RBBP5: variants seen among roughly 807,000 people sequenced by gnomAD.
RBBP5 encodes retinoblastoma-binding protein 5.
In RBBP5, 5 loss-of-function variants were observed where a neutral mutation model predicts 72.2. That is an observed-to-expected ratio of 0.07 (90% CI 0.04 to 0.15). RBBP5 has a LOEUF of 0.15. Among genes scored for constraint, RBBP5 ranks in the 10% least tolerant of loss-of-function variants. RBBP5 has a pLI of 1.00. For synonymous variants in RBBP5, 209 were observed against 237.2 expected, an observed-to-expected ratio of 0.88 and a Z score of 1.09; for missense variants, 322 against 652.2, an observed-to-expected ratio of 0.49 and a Z score of 5.51.
chr1:205,108,929 ATACATAATAAGTGCTCAATGCCTGG>A (rs1256592538), intron 3 of RBBP5, among the ~76,000 whole-genome samples: 4 of 152,230 alleles, frequency 2.6e-5, no homozygotes, highest in Non-Finnish European at 4.4e-5. Context: ...TCAATGCCTG[ATACATAATAAGTGCTCAATGCCTGG>A]TACATAATAA....
At position 205,103,887 on chromosome 1, in the gene RBBP5, T is replaced by C; in HGVS notation, c.492A>G (p.Glu164=). The stretch of plus-strand genomic sequence containing the variant: ...CTTTTGCGTTTCCCGTATAAATATA[T>C]TCCCCTCGCCTATCAAAAGATGCCA... The part of the protein sequence containing the change: ...NVVASFDRRG[E]YIYTGNAKGK... The change falls in exon 5 of 14, where the codon GAA becomes GAG. Residue 164 remains glutamate (E), a synonymous_variant. Transcript: ENST00000264515. 2.5e-6 allele frequency: 4 copies of C among 1,613,842 alleles called. No individual in the cohort carries two copies. The highest frequency in any genetic ancestry group is 3.4e-6 in the Non-Finnish European group (4 of 1,179,760).
intron 3 of RBBP5, among the ~76,000 whole-genome samples, chr1:205,106,316 C>T (rs1471732152): frequency 1.3e-5 from 2 of 152,160 alleles, no homozygotes; most frequent in African/African-American, 2.4e-5. Context: ...ATCTATAGGA[C>T]GGGCGCAATG....
chr1:205,120,637 C>T (rs1656700448), intron 1 of RBBP5, among the ~76,000 whole-genome samples: 3 of 152,114 alleles, frequency 2.0e-5, no homozygotes, highest in African/African-American at 2.4e-5. Context: ...CAAAAATTAG[C>T]CAGGCATGGC....
chr1:205,120,123 G>A (rs1391937601), intron 1 of RBBP5, among the ~76,000 whole-genome samples: 6 of 152,072 alleles, frequency 3.9e-5, no homozygotes, highest in Admixed American at 3.9e-4. Context: ...TCTCAAATTT[G>A]TCATCCCTAC....
At position 205,093,480 on chromosome 1, in the gene RBBP5, ATATATATATATATATATATAT is replaced by A. The variant is rs1195049711; in HGVS notation, c.1588+1372_1588+1392del. On this transcript the variant is annotated intron_variant, in intron 13 of 13. Transcript: ENST00000264515. The stretch of plus-strand genomic sequence containing the variant: ...TTTCAAAAAAAAAAAAAAAAAAAAA[ATATATATATATATATATATAT>A]ATATATATATATATATATATATATA... Among the ~76,000 whole-genome samples, 13 of 7,774 alleles carry A rather than the reference ATATATATATATATATATATAT, an allele frequency of 1.7e-3. 2 individuals carry two copies. The highest frequency in any genetic ancestry group is 3.0e-3 in the Non-Finnish European group (9 of 2,964). The allele number at this position is 7,774 out of a possible 152,430, so 5.1% of individuals were successfully genotyped here.
intron 4 of RBBP5, among the ~76,000 whole-genome samples, chr1:205,104,750 A>G (rs1197279177): frequency 6.6e-6 from 1 of 152,112 alleles, no homozygotes; most frequent in Non-Finnish European, 1.5e-5. Flanking sequence ...CTGAGGCAGG[A>G]GAATCTTGAA....
At chr1:205,110,711 T>G (rs1412021021) in intron 3 of RBBP5, among the ~76,000 whole-genome samples, 1 of 152,186 alleles carries the variant, frequency 6.6e-6, no homozygotes, top group African/African-American at 2.4e-5. Flanking sequence ...CCCTAAGAAG[T>G]AGACAAAGGG....
At chr1:205,111,064 G>A (rs948441558) in intron 3 of RBBP5, among the ~76,000 whole-genome samples, 7 of 151,792 alleles carry the variant, frequency 4.6e-5, no homozygotes, top group African/African-American at 1.7e-4. Context: ...ACTCTGTCTC[G>A]AAAAAATTTA....
At chr1:205,108,793 T>C (rs940182499) in intron 3 of RBBP5, among the ~76,000 whole-genome samples, 2 of 152,196 alleles carry the variant, frequency 1.3e-5, no homozygotes, top group African/African-American at 4.8e-5. Flanking sequence ...CTTAGCACGT[T>C]ACTTAAGCTT....
chr1:205,095,208 G>T, intron 12 of RBBP5, 144 bp from the exon 13 acceptor site: 1 of 789,548 alleles, frequency 1.3e-6, no homozygotes, highest in Non-Finnish European at 2.0e-6. Flanking sequence ...ATTTCTATAA[G>T]TATAAAACAG....
At chr1:205,104,050 G>A in intron 4 of RBBP5, 31 bp from the exon 5 acceptor site, 7 of 1,589,278 alleles carry the variant, frequency 4.4e-6, no homozygotes, top group Non-Finnish European at 6.0e-6. Context: ...TACATTGGCT[G>A]TTGCTTTGGT....
At position 205,088,797 on chromosome 1, in the gene RBBP5, T is replaced by A. The variant is rs1259597101; in HGVS notation, c.1607A>T (p.Glu536Val). ...QPLTAGGAIS[E>V]LL is the part of the protein sequence containing the mutation. Reference sequence around the variant, plus strand: ...GAACTTCGAAGGTCTTCATAACAGTTCTGAGATTGCTCCTCCTGCTAAAGA... The same window carrying A: ...GAACTTCGAAGGTCTTCATAACAGTACTGAGATTGCTCCTCCTGCTAAAGA... Residue 536 changes from glutamate (E) to valine (V), a missense_variant, in exon 14 of 14, where the codon GAA becomes GTA. Physicochemically the swap from Glu to Val is moderately radical, Grantham distance 121. Around this residue, in one of 6 missense-constraint regions of RBBP5, gnomAD observed 109 missense variants for 146.3 expected, o/e 0.75. Coordinates refer to ENST00000264515, the MANE Select transcript of RBBP5 (RefSeq NM_005057.4). 1.3e-6 allele frequency: 2 copies of A among 1,594,856 alleles called. No individual in the cohort carries two copies. The highest frequency in any genetic ancestry group is 8.5e-7 in the Non-Finnish European group (1 of 1,171,030).
At chr1:205,115,259 T>C (rs1458900993) in intron 2 of RBBP5, among the ~76,000 whole-genome samples, 2 of 152,208 alleles carry the variant, frequency 1.3e-5, no homozygotes, top group Non-Finnish European at 2.9e-5. Context: ...TAAAAAGTCA[T>C]ATCTATTGAT....
intron 5 of RBBP5, among the ~76,000 whole-genome samples, chr1:205,102,907 C>T (rs919650621): frequency 1.3e-4 from 19 of 151,204 alleles, no homozygotes; most frequent in African/African-American, 3.4e-4. Context: ...GCAGGAGAAT[C>T]GCTGGAACCC....
chr1:205,107,013 C>CAT (rs112577702), intron 3 of RBBP5, among the ~76,000 whole-genome samples: 15,078 of 150,690 alleles, frequency 0.1, 1,368 homozygotes, highest in African/African-American at 0.24. Flanking sequence ...TTACCATAGA[C>CAT]ATATATATAT....
chr1:205,107,363 A>C (rs2102305426), intron 3 of RBBP5, among the ~76,000 whole-genome samples: 1 of 152,302 alleles, frequency 6.6e-6, no homozygotes, highest in Non-Finnish European at 1.5e-5. Flanking sequence ...AAAATCTTGA[A>C]AGCTGCAAGA....
intron 1 of RBBP5, 99 bp downstream of exon 1, chr1:205,121,756 A>G: frequency 6.4e-7 from 1 of 1,569,872 alleles, no homozygotes; most frequent in South Asian, 1.1e-5. Context: ...CCATAGCCGA[A>G]CAGTGTCCCT....
intron 13 of RBBP5, among the ~76,000 whole-genome samples, chr1:205,090,930 G>A (rs895834571): frequency 6.6e-6 from 1 of 151,460 alleles, no homozygotes; most frequent in African/African-American, 2.4e-5. Flanking sequence ...AAACTACCAA[G>A]CATTAAAAAA....
At chr1:205,121,761 G>A in intron 1 of RBBP5, 94 bp downstream of exon 1, 1 of 1,575,292 alleles carries the variant, frequency 6.3e-7, no homozygotes, top group Non-Finnish European at 8.7e-7. Flanking sequence ...GCCGAACAGT[G>A]TCCCTAAGAT....
Sources: allele counts gnomAD v4.1 joint callset (sites outside exome capture counted in the v4.1 genomes callset), GRCh38; gene constraint gnomAD v4.1.1; regional missense constraint gnomAD v4.1.1; transcripts MANE v1.5; gene names NCBI Gene and HGNC (gene_info 2026-07-23, HGNC 2026-07-21).